The following KIF5C variants were observed in gnomAD, a reference collection of about 807,000 sequenced individuals.
KIF5C encodes the protein kinesin heavy chain isoform 5C.
Under a neutral mutation model 125.2 loss-of-function variants are expected in KIF5C, and 18 were observed. The ratio of observed to expected loss-of-function variants is 0.14; its 90% CI spans 0.10 to 0.21. KIF5C has a LOEUF of 0.21. Among genes scored for constraint, KIF5C ranks in the 10% least tolerant of loss-of-function variants. KIF5C has a pLI of 1.00. For synonymous variants in KIF5C, 405 were observed against 434.0 expected, an observed-to-expected ratio of 0.93 and a Z score of 0.83; for missense variants, 780 against 1,183.8, an observed-to-expected ratio of 0.66 and a Z score of 5.01.
At chr2:149,018,941 G>A (rs995507613) in intron 25 of KIF5C, among the ~76,000 whole-genome samples, 6 of 151,998 alleles carry the variant, frequency 3.9e-5, no homozygotes, top group African/African-American at 9.7e-5. Flanking sequence ...GAATACTGCC[G>A]GGTTCATTTA....
At chr2:148,937,232 A>G (rs373694182) in intron 3 of KIF5C, 52 bp from the exon 4 acceptor site, 2 of 1,547,002 alleles carry the variant, frequency 1.3e-6, no homozygotes, top group African/African-American at 1.4e-5. Flanking sequence ...CCTCTCTCTC[A>G]TGTGTCTCCC....
intron 17 of KIF5C, among the ~76,000 whole-genome samples, chr2:148,996,990 T>C (rs550204830): frequency 2.5e-4 from 38 of 152,098 alleles, no homozygotes; most frequent in African/African-American, 8.2e-4. Flanking sequence ...CAGAGTGCAG[T>C]CCTAGGAGGG....
chr2:148,909,502 T>C (rs1681249986), intron 1 of KIF5C, among the ~76,000 whole-genome samples: 1 of 152,230 alleles, frequency 6.6e-6, no homozygotes, highest in Non-Finnish European at 1.5e-5. Context: ...CCCTGCTGGG[T>C]TCCCAGTGTT....
chr2:148,876,085 T>C lies in KIF5C; in HGVS notation c.126+342T>C, dbSNP rs1490992462. Among the ~76,000 whole-genome samples the C allele has an allele frequency of 1.3e-5, 2 of 152,132 alleles. No homozygotes were observed. The highest frequency in any genetic ancestry group is 4.8e-5 in the African/African-American group (2 of 41,436). ...CGTGGGTAGTGTGTTCGGGTGACCC[T>C]CAAGCCGGGTGCCCAGGCCCCCTTT... is the stretch of plus-strand genomic sequence containing the variant. On this transcript the variant is annotated intron_variant, in intron 1 of 25. Transcript: ENST00000435030. The surrounding 1 kb of genome is among the most constrained non-coding windows in gnomAD (Gnocchi z 4.7).
chr2:148,947,833 C>A, intron 8 of KIF5C: 1 of 454,720 alleles, frequency 2.2e-6, no homozygotes. Context: ...TCACTGACAT[C>A]ATGCTGATTG....
rs554044815 is a variant in KIF5C, at chr2:148,895,490, T to G, written c.126+19747T>G. Among the ~76,000 whole-genome samples the G allele has an allele frequency of 2.1e-5, 3 of 146,038 alleles. No individual in the cohort carries two copies. In the South Asian group the frequency reaches 6.3e-4, roughly 31 times the overall value. On this transcript the variant is annotated intron_variant, in intron 1 of 25. Transcript: ENST00000435030. The stretch of plus-strand genomic sequence containing the variant: ...TGGCAAACATTTTTTTGGCCCTAAA[T>G]GATAGATTGTTTACTTTTTTTTTTA...
In KIF5C at chr2:148,962,108, G is replaced by GGTGGAGGAATGGTAAGGAAAAGT. The variant is rs1682941175; in HGVS notation, c.1107_1117+12dup. The stretch of plus-strand genomic sequence containing the variant: ...CAGCATCTGGAGATGGAGCTAAACA[G>GGTGGAGGAATGGTAAGGAAAAGT]GTGGAGGAATGGTAAGGAAAAGTAA... On this transcript the variant is annotated frameshift_variant, in exon 11 of 26. Coordinates refer to ENST00000435030, the MANE Select transcript of KIF5C (RefSeq NM_004522.3). LOFTEE classifies it high-confidence loss of function. 1.9e-6 allele frequency: 3 copies of GGTGGAGGAATGGTAAGGAAAAGT among 1,607,178 alleles called. No homozygotes were observed. In the African/African-American group the frequency reaches 4.0e-5, roughly 22 times the overall value.
chr2:149,000,600 A>T, intron 20 of KIF5C, 76 bp downstream of exon 20: 1 of 1,567,276 alleles, frequency 6.4e-7, no homozygotes, highest in Non-Finnish European at 8.7e-7. Flanking sequence ...TAATTTAAAA[A>T]CAGACAATGG....
intron 19 of KIF5C, 53 bp downstream of exon 19, chr2:148,998,562 T>C (rs1346935589): frequency 3.9e-6 from 6 of 1,548,454 alleles, no homozygotes; most frequent in Admixed American, 2.0e-5. Context: ...CTCGGTCCTC[T>C]TGGGGAAGCC....
chr2:148,895,970 AC>A (rs1485357994), intron 1 of KIF5C, among the ~76,000 whole-genome samples: 1 of 151,582 alleles, frequency 6.6e-6, no homozygotes, highest in South Asian at 2.1e-4. Flanking sequence ...ATCCTTAATT[AC>A]CCCCCTGAAG....
At chr2:148,880,463 C>G (rs943326257) in intron 1 of KIF5C, among the ~76,000 whole-genome samples, 1 of 152,164 alleles carries the variant, frequency 6.6e-6, no homozygotes, top group African/African-American at 2.4e-5. Context: ...TGCTATAAAC[C>G]TTTGCATATA....
chr2:148,988,929 T>C lies in KIF5C; in HGVS notation c.1717-2081T>C, dbSNP rs766309984. On this transcript the variant is annotated intron_variant, in intron 15 of 25. Transcript: ENST00000435030. ...TTCTGCAGTATTGTTGACACTGGAG[T>C]CACTTGACATGTACTATTGTTGAAC... Among the ~76,000 whole-genome samples the C allele has an allele frequency of 5.6e-4, 85 of 152,302 alleles. 1 individual carries two copies. The highest frequency in any genetic ancestry group is 1.2e-3 in the Admixed American group (18 of 15,300).
intron 15 of KIF5C, among the ~76,000 whole-genome samples, chr2:148,984,274 C>T (rs1169156299): frequency 1.3e-5 from 2 of 152,344 alleles, no homozygotes; most frequent in East Asian, 3.9e-4. Context: ...TGATCTGCCT[C>T]ACCTGGGAGC....
chr2:149,003,600 G>A (rs1453346789), intron 21 of KIF5C, among the ~76,000 whole-genome samples: 1 of 152,238 alleles, frequency 6.6e-6, no homozygotes, highest in Non-Finnish European at 1.5e-5. Flanking sequence ...GGAGGCAGAG[G>A]GATGATAATG....
intron 12 of KIF5C, 76 bp from the exon 13 acceptor site, chr2:148,978,846 C>T: frequency 1.3e-6 from 2 of 1,483,828 alleles, no homozygotes; most frequent in Non-Finnish European, 1.8e-6. Context: ...CTTATGGTAG[C>T]TGCCTGTCAC....
chr2:148,914,274 G>A (rs552970290), intron 1 of KIF5C, among the ~76,000 whole-genome samples: 1 of 152,328 alleles, frequency 6.6e-6, no homozygotes, highest in South Asian at 2.1e-4. Context: ...GGAGAGAAAG[G>A]AGTTCACTGT....
chr2:148,961,904 C>T, intron 10 of KIF5C, 67 bp from the exon 11 acceptor site: 1 of 1,543,966 alleles, frequency 6.5e-7, no homozygotes. Context: ...GAATCTTGGG[C>T]TTAATCATAT....
chr2:148,884,527 C>G (rs572608449), intron 1 of KIF5C, among the ~76,000 whole-genome samples: 1 of 152,140 alleles, frequency 6.6e-6, no homozygotes, highest in Non-Finnish European at 1.5e-5. Context: ...CAGTTTTAAC[C>G]ATGATCAGCA....
chr2:148,979,824 C>T (rs1681182869), intron 13 of KIF5C, among the ~76,000 whole-genome samples: 1 of 152,176 alleles, frequency 6.6e-6, no homozygotes, highest in African/African-American at 2.4e-5. Context: ...AGTCTCTCCC[C>T]AAAGGCATTC....
Sources: allele counts gnomAD v4.1 joint callset (sites outside exome capture counted in the v4.1 genomes callset), GRCh38; gene constraint gnomAD v4.1.1; non-coding constraint Gnocchi (gnomAD v3.1); transcripts MANE v1.5; gene names NCBI Gene and HGNC (gene_info 2026-07-23, HGNC 2026-07-21).